The following DNAH14 variants were observed in gnomAD, a reference collection of about 807,000 sequenced individuals.
DNAH14 encodes axonemal beta dynein heavy chain 14.
In DNAH14, 478 loss-of-function variants were observed where a neutral mutation model predicts 520.9. The ratio of observed to expected loss-of-function variants is 0.92; its 90% confidence interval spans 0.85 to 0.99. The LOEUF (loss-of-function observed/expected upper bound fraction) is 0.99, where lower values mean the gene tolerates loss of function less well. Ranked by LOEUF, DNAH14 falls within the 50% of genes least tolerant of loss-of-function variation. DNAH14 has a pLI of 0.00. For synonymous variants in DNAH14, 1,581 were observed against 1,757.2 expected (o/e 0.90, Z 2.51); for missense variants, 4,831 against 5,234.5 (o/e 0.92, Z 2.38).
chr1:225,240,926 T>A, intron 43 of DNAH14, 104 bp downstream of exon 43: 2 of 917,416 alleles, frequency 2.2e-6, no homozygotes, highest in Admixed American at 2.9e-5. Context: ...ATGTTAAGAT[T>A]GAAGGAAAAA....
rs370146344 is a variant in DNAH14 at position 224,967,594 on chromosome 1, A to G, written c.651+11A>G. 12 of 1,598,886 alleles carry G rather than the reference A, an allele frequency of 7.5e-6. No individual in the cohort carries two copies. Among genetic ancestry groups the G allele is most frequent in the Non-Finnish European group, 1.0e-5 (12 of 1,175,494 alleles). On this transcript the variant is annotated intron_variant, in intron 6 of 85. Transcript: ENST00000682510. The stretch of plus-strand genomic sequence containing the variant: ...TCATTTATCTCAAAGGTAATGTTTA[A>G]TGGATGTTTTAAGCTTTCAGAATTA...
chr1:225,333,866 A>G (rs1425543684), intron 66 of DNAH14, among the ~76,000 whole-genome samples: 1 of 152,202 alleles, frequency 6.6e-6, no homozygotes. Flanking sequence ...CCAAAAATAT[A>G]GAACTACATT....
chr1:225,335,352 T>TAC (rs199613326), intron 66 of DNAH14, among the ~76,000 whole-genome samples: 1 of 37,328 alleles, frequency 2.7e-5, no homozygotes, highest in African/African-American at 1.3e-4. Context: ...TGTGTGTATA[T>TAC]GCATATACAC....
chr1:225,068,030 T>C (rs2071102956), intron 17 of DNAH14, among the ~76,000 whole-genome samples: 1 of 152,208 alleles, frequency 6.6e-6, no homozygotes, highest in Non-Finnish European at 1.5e-5. Flanking sequence ...CCCATGCCTA[T>C]GTCCTGAATG....
At chr1:225,204,513 A>T (rs1309262833) in intron 39 of DNAH14, among the ~76,000 whole-genome samples, 1 of 152,192 alleles carries the variant, frequency 6.6e-6, no homozygotes, top group East Asian at 1.9e-4. Context: ...CCTTCAGTTT[A>T]TAAAAGAACC....
At chr1:225,250,017 A>G (rs2092472259) in intron 43 of DNAH14, among the ~76,000 whole-genome samples, 1 of 152,240 alleles carries the variant, frequency 6.6e-6, no homozygotes, top group South Asian at 2.1e-4. Flanking sequence ...TGGGACTATT[A>G]TGGATAATGC....
intron 39 of DNAH14, among the ~76,000 whole-genome samples, chr1:225,204,484 G>A (rs941766993): frequency 2.6e-5 from 4 of 151,964 alleles, no homozygotes; most frequent in African/African-American, 7.3e-5. Flanking sequence ...CATTATATAA[G>A]CACTATGGCT....
At chr1:225,324,169 T>G (rs572147266) in intron 62 of DNAH14, 53 bp from the exon 63 acceptor site, 43 of 1,541,388 alleles carry the variant, frequency 2.8e-5, no homozygotes, top group Non-Finnish European at 3.6e-5. Context: ...GGGGAAAACT[T>G]CAGGTGAATA....
intron 15 of DNAH14, 99 bp from the exon 16 acceptor site, chr1:225,050,111 C>A: frequency 2.0e-6 from 2 of 992,482 alleles, no homozygotes; most frequent in Non-Finnish European, 2.8e-6. Context: ...CATAATAAAT[C>A]AGCCCCCATT....
chr1:224,931,478 T>C (rs2058695037), intron 1 of DNAH14, among the ~76,000 whole-genome samples: 1 of 152,194 alleles, frequency 6.6e-6, no homozygotes, highest in Non-Finnish European at 1.5e-5. Context: ...CAATATATTT[T>C]TGTTAAGTAC....
chr1:224,978,693 C>T (rs772450891), intron 8 of DNAH14, among the ~76,000 whole-genome samples: 3 of 152,182 alleles, frequency 2.0e-5, no homozygotes, highest in African/African-American at 4.8e-5. Context: ...GGCGGCAGTA[C>T]AGTTGTGTGA....
rs766944208 is a variant in DNAH14, at chr1:225,264,237, CAT to C, written c.7200_7201del (p.His2400GlnfsTer9). 3.9e-6 allele frequency: 6 copies of C among 1,549,962 alleles called. No homozygotes were observed. The South Asian group carries it at 7.1e-5, about 18-fold the overall frequency. ...TATCACCATCTTGATTCCTGAAACT[CAT>C]AAGACAGCAACTGGAAGTTCAGGTA... ...QNITILIPET[H>X]KTATGSSDNP... On this transcript the variant is annotated frameshift_variant, in exon 47 of 86. Transcript: ENST00000682510. LOFTEE classifies it high-confidence loss of function.
At chr1:225,170,829 C>T (rs181983292) in intron 36 of DNAH14, among the ~76,000 whole-genome samples, 2 of 152,316 alleles carry the variant, frequency 1.3e-5, no homozygotes, top group Admixed American at 1.3e-4. Context: ...CTTCTCAGCA[C>T]CACACCGCAC....
At chr1:225,078,869 T>A (rs12081149) in intron 17 of DNAH14, among the ~76,000 whole-genome samples, 4 of 12,972 alleles carry the variant, frequency 3.1e-4, no homozygotes, top group South Asian at 1.6e-3. Context: ...CCTCTCTCTC[T>A]CTCTCTCTCT....
chr1:225,144,758 C>CA, intron 29 of DNAH14, 130 bp downstream of exon 29: 1 of 712,034 alleles, frequency 1.4e-6, no homozygotes, highest in South Asian at 2.0e-5. Flanking sequence ...TTCATTAACT[C>CA]ACATATAATT....
At chr1:225,354,242 G>A (rs1198427816) in intron 73 of DNAH14, 2 of 701,826 alleles carry the variant, frequency 2.8e-6, no homozygotes, top group African/African-American at 1.7e-5. Context: ...TGTAGGGAGA[G>A]GCCAATGGCT....
chr1:225,313,857 A>G (rs2094417922), intron 60 of DNAH14, among the ~76,000 whole-genome samples: 1 of 152,132 alleles, frequency 6.6e-6, no homozygotes, highest in African/African-American at 2.4e-5. Flanking sequence ...TTTACTTCCA[A>G]TTATGTGATC....
rs1185587087 is a variant in DNAH14, at chr1:225,218,648, A to G, written c.6439+11428A>G. Among the ~76,000 whole-genome samples, 3 of 152,168 alleles carry G rather than the reference A, an allele frequency of 2.0e-5. No individual in the cohort carries two copies. The East Asian group carries it at 5.8e-4, about 29-fold the overall frequency. ...ATGTATGCATCCAATACAGGAGAAT[A>G]CAAGATTCATAAAGCAAGTTCTTAG... On this transcript the variant is annotated intron_variant, in intron 41 of 85. Coordinates refer to ENST00000682510, the MANE Select transcript of DNAH14 (RefSeq NM_001367479.1).
At chr1:225,335,046 A>ATACATATGTACATATATGTATATATAACG (rs1558421909) in intron 66 of DNAH14, among the ~76,000 whole-genome samples, 8 of 149,112 alleles carry the variant, frequency 5.4e-5, no homozygotes, top group Admixed American at 1.3e-4. Flanking sequence ...ATACACATAT[A>ATACATATGTACATATATGTATATATAACG]TACATATGTA....
Sources: gnomAD v4.1 joint callset for allele counts (sites outside exome capture counted in the v4.1 genomes callset) on GRCh38, gnomAD v4.1.1 for gene constraint, MANE v1.5 for transcripts, NCBI Gene and HGNC (gene_info 2026-07-23, HGNC 2026-07-21) for gene names.